ARMC2: variants seen among roughly 807,000 people sequenced by gnomAD.
The protein encoded by ARMC2 is armadillo repeat containing 2.
ARMC2 carries 67 observed loss-of-function variants against 90.3 expected under a neutral mutation model. That is an observed-to-expected ratio of 0.74 (90% CI 0.61 to 0.91). The LOEUF (loss-of-function observed/expected upper bound fraction) is 0.91. Among genes scored for constraint, ARMC2 ranks in the 40% least tolerant of loss-of-function variants. The pLI, the probability that ARMC2 is intolerant of heterozygous loss-of-function variation, is 0.00. For synonymous variants in ARMC2, 393 were observed against 393.0 expected, an observed-to-expected ratio of 1.00 and a Z score of 0.00; for missense variants, 920 against 1,030.9, an observed-to-expected ratio of 0.89 and a Z score of 1.47.
At chr6:108,923,618 C>CTTTTT (rs35715301) in intron 10 of ARMC2, among the ~76,000 whole-genome samples, 18 of 137,258 alleles carry the variant, frequency 1.3e-4, no homozygotes, top group East Asian at 1.1e-3. Context: ...TCCCCACACC[C>CTTTTT]TTTTTTTTTT....
At chr6:108,876,845 TC>T (rs1212997358) in intron 5 of ARMC2, among the ~76,000 whole-genome samples, 3 of 152,188 alleles carry the variant, frequency 2.0e-5, no homozygotes, top group Admixed American at 6.5e-5. Flanking sequence ...ATCTGTGAGA[TC>T]CCTCCATTGG....
chr6:108,988,448 G>A, the ARMC2 span: 1 of 1,103,390 alleles, frequency 9.1e-7, no homozygotes, highest in South Asian at 1.8e-5. Context: ...GGTTGGTAGG[G>A]GTGATGGAAA....
rs1774289816 is a variant in ARMC2, at chr6:108,854,182, C to T, written c.-43-43C>T. The T allele has an allele frequency of 6.5e-6, 7 of 1,083,252 alleles. 1 individual carries two copies. The South Asian group carries it at 7.3e-5, about 11-fold the overall frequency. 67.1% of individuals were successfully genotyped at this position (1,083,252 alleles called of 1,614,324 possible). On this transcript the variant is annotated intron_variant, in intron 1 of 17. Transcript: ENST00000392644. ...GCTTAAGCATTCGTTTTTATAAAGT[C>T]CTGGACAAAAATAATGATGGTTTTT...
At chr6:108,889,003 GA>G (rs1770671112) in intron 5 of ARMC2, among the ~76,000 whole-genome samples, 1 of 152,120 alleles carries the variant, frequency 6.6e-6, no homozygotes, top group Non-Finnish European at 1.5e-5. Context: ...TAAACCCATG[GA>G]AACCTTCTAT....
At chr6:108,919,531 A>AT (rs1241378702) in intron 10 of ARMC2, among the ~76,000 whole-genome samples, 1 of 151,842 alleles carries the variant, frequency 6.6e-6, no homozygotes, top group African/African-American at 2.4e-5. Flanking sequence ...TTTTTTGGAG[A>AT]TTTGATAATT....
chr6:108,939,985 A>T (rs1776300951), intron 12 of ARMC2, among the ~76,000 whole-genome samples: 1 of 152,174 alleles, frequency 6.6e-6, no homozygotes, highest in Admixed American at 6.5e-5. Context: ...TCTGTTGATG[A>T]GGTTCTTTAA....
chr6:109,044,127 C>T, the ARMC2 span, among the ~76,000 whole-genome samples: 1 of 151,476 alleles, frequency 6.6e-6, no homozygotes, highest in East Asian at 1.9e-4. Context: ...CCAGCCGAAG[C>T]AACACAGGGA....
chr6:108,874,904 C>T (rs1483096264), intron 4 of ARMC2, among the ~76,000 whole-genome samples: 1 of 150,920 alleles, frequency 6.6e-6, no homozygotes, highest in East Asian at 1.9e-4. Flanking sequence ...GTTTTGAAAG[C>T]AGGGAGTTTG....
intron 5 of ARMC2, among the ~76,000 whole-genome samples, chr6:108,884,614 C>T (rs9398176): frequency 0.033 from 5,080 of 152,180 alleles, 217 homozygotes; most frequent in East Asian, 0.2. Context: ...TGGGATTTGA[C>T]GTGGCAGTGG....
intron 3 of ARMC2, among the ~76,000 whole-genome samples, chr6:108,868,270 G>A (rs1262039378): frequency 6.6e-6 from 1 of 152,054 alleles, no homozygotes; most frequent in Non-Finnish European, 1.5e-5. Flanking sequence ...AGGCTGGAGT[G>A]CAGTGGTGCA....
At chr6:109,009,374 GC>G in the ARMC2 span, 5 of 1,467,620 alleles carry the variant, frequency 3.4e-6, no homozygotes, top group Middle Eastern at 2.0e-4. Context: ...CCTGGTCGCG[GC>G]CCCCGCCGCA....
At chr6:108,926,829 A>G (rs1775142436) in intron 10 of ARMC2, among the ~76,000 whole-genome samples, 1 of 152,016 alleles carries the variant, frequency 6.6e-6, no homozygotes, top group African/African-American at 2.4e-5. Flanking sequence ...TTCACTTCCA[A>G]TGTTTGGGAT....
intron 5 of ARMC2, among the ~76,000 whole-genome samples, chr6:108,879,489 T>C (rs151092840): frequency 5.9e-5 from 9 of 151,828 alleles, no homozygotes; most frequent in African/African-American, 2.2e-4. Flanking sequence ...CATTCATCCA[T>C]CTATTCATTA....
chr6:108,879,966 A>T (rs768721490), intron 5 of ARMC2: 6 of 470,054 alleles, frequency 1.3e-5, no homozygotes, highest in South Asian at 9.3e-5. Context: ...TAAGGCTTGA[A>T]AGCCTTACTA....
intron 9 of ARMC2, among the ~76,000 whole-genome samples, 198 bp downstream of exon 9, chr6:108,911,199 C>T (rs1773389270): frequency 6.6e-6 from 1 of 152,190 alleles, no homozygotes; most frequent in Non-Finnish European, 1.5e-5. Context: ...GTAGTTTGCT[C>T]TTTTCCTTCA....
chr6:108,944,443 G>C (rs975604959), intron 12 of ARMC2, among the ~76,000 whole-genome samples: 4 of 152,178 alleles, frequency 2.6e-5, no homozygotes, highest in African/African-American at 7.2e-5. Context: ...CACTGATGAG[G>C]CTTCAAGCAC....
chr6:109,031,189 AG>A, the ARMC2 span, among the ~76,000 whole-genome samples: 1 of 152,196 alleles, frequency 6.6e-6, no homozygotes, highest in Non-Finnish European at 1.5e-5. Flanking sequence ...TGGCTCTGGC[AG>A]GAGATGAGTG....
At chr6:108,990,864 A>G in the ARMC2 span, 1 of 1,588,150 alleles carries the variant, frequency 6.3e-7, no homozygotes, top group South Asian at 1.1e-5. Flanking sequence ...ACAAATGTGA[A>G]TAAATGTGGT....
intron 5 of ARMC2, 53 bp from the exon 6 acceptor site, chr6:108,894,414 A>G (rs1219628513): frequency 1.3e-6 from 2 of 1,491,858 alleles, no homozygotes; most frequent in Non-Finnish European, 1.8e-6. Context: ...TGTCATTTAC[A>G]AAATTAGAAG....
Sources: gnomAD v4.1 joint callset for allele counts (sites outside exome capture counted in the v4.1 genomes callset) on GRCh38, gnomAD v4.1.1 for gene constraint, MANE v1.5 for transcripts, NCBI Gene and HGNC (gene_info 2026-07-23, HGNC 2026-07-21) for gene names.